The following ZC2HC1B variants were observed in gnomAD, a reference collection of about 807,000 sequenced individuals.
ZC2HC1B encodes the protein zinc finger C2HC domain-containing protein 1B.
ZC2HC1B carries 36 observed loss-of-function variants against 31.0 expected under a neutral mutation model. The observed-to-expected ratio is 1.16, with a 90% CI of 0.89 to 1.54. The LOEUF (loss-of-function observed/expected upper bound fraction) is 1.54, where lower values mean the gene tolerates loss of function less well. ZC2HC1B is among the 40% of genes most tolerant of loss of function. The probability of loss-of-function intolerance (pLI) is 0.00; values close to 1 mark genes in which losing one functional copy is unlikely to be tolerated. For missense variants in ZC2HC1B, 260 were observed against 268.6 expected (o/e 0.97, Z 0.22); for synonymous variants, 73 against 88.0 (o/e 0.83, Z 0.95).
At chr6:143,888,908 GC>G (rs1176704431) in intron 4 of ZC2HC1B, among the ~76,000 whole-genome samples, 8 of 151,860 alleles carry the variant, frequency 5.3e-5, no homozygotes, top group Admixed American at 5.2e-4. Context: ...AAATCCTCTG[GC>G]TAGAACTTTT....
chr6:143,891,693 CA>C (rs61241733), intron 4 of ZC2HC1B, among the ~76,000 whole-genome samples: 6,471 of 66,706 alleles, frequency 0.097, 159 homozygotes, highest in Admixed American at 0.17. Flanking sequence ...AACTCTGTCT[CA>C]AAAAAAAAAA....
Position 143,886,857 on chromosome 6 carries a change from C to T in ZC2HC1B, c.349+36C>T, listed in dbSNP as rs559062317. On this transcript the variant is annotated intron_variant, in intron 4 of 7. Transcript: ENST00000237275. The surrounding 1 kb of genome is among the most constrained non-coding windows in gnomAD (Gnocchi z 4.2). Reference sequence around the variant, plus strand: ...ATTTTGGGTTGCTTTTGAGGCTATGCTTGACTTTTGACCAAATCATCATGC... The same window carrying T: ...ATTTTGGGTTGCTTTTGAGGCTATGTTTGACTTTTGACCAAATCATCATGC... 5.3e-5 allele frequency: 78 copies of T among 1,462,656 alleles called. No individual in the cohort carries two copies. The Admixed American group carries it at 2.0e-3, about 38-fold the overall frequency. 90.6% of individuals were successfully genotyped at this position (1,462,656 alleles called of 1,614,324 possible).
At chr6:143,907,770 CTTTAG>C (rs1414057182) in intron 6 of ZC2HC1B, among the ~76,000 whole-genome samples, 2 of 152,112 alleles carry the variant, frequency 1.3e-5, no homozygotes, top group Non-Finnish European at 2.9e-5. Flanking sequence ...TACAGAAGTT[CTTTAG>C]TTTAACTAGA....
chr6:143,909,497 T>G (rs1777834591), intron 6 of ZC2HC1B, among the ~76,000 whole-genome samples: 1 of 151,712 alleles, frequency 6.6e-6, no homozygotes, highest in Non-Finnish European at 1.5e-5. Flanking sequence ...GTACCTTTAG[T>G]TGAATTCATC....
At chr6:143,876,175 C>G (rs7774356) in intron 1 of ZC2HC1B, among the ~76,000 whole-genome samples, 28,676 of 150,090 alleles carry the variant, frequency 0.19, 5,284 homozygotes, top group African/African-American at 0.43. Flanking sequence ...TCAGGGCAAT[C>G]TTAGGAGATT....
In ZC2HC1B at chr6:143,918,200, T is replaced by TA. The variant is rs59073986; in HGVS notation, c.598+15048_598+15049insA. ...TTTTTGGTAAGAGACAGGATCTTACTTGTTGCCCAGGCTGAACTCAAGCTC... is the reference window on the plus strand; with the variant it reads ...TTTTTGGTAAGAGACAGGATCTTACTATGTTGCCCAGGCTGAACTCAAGCTC... On this transcript the variant is annotated intron_variant, in intron 6 of 7. Transcript: ENST00000237275. The surrounding 1 kb of genome is among the most constrained non-coding windows in gnomAD (Gnocchi z 4.1). Among the ~76,000 whole-genome samples, 20,598 of 152,110 alleles carry TA rather than the reference T, an allele frequency of 0.14. 2,080 individuals are homozygous for TA. The highest frequency in any genetic ancestry group is 0.52 in the East Asian group (2,676 of 5,150).
chr6:143,886,918 A>G lies in ZC2HC1B; in HGVS notation c.349+97A>G, dbSNP rs896784099. On this transcript the variant is annotated intron_variant, in intron 4 of 7. Coordinates refer to ENST00000237275, the MANE Select transcript of ZC2HC1B (RefSeq NM_001013623.3). The surrounding 1 kb of genome is among the most constrained non-coding windows in gnomAD (Gnocchi z 4.2). ...CTCTGAAATTGACAATAACAATTAC[A>G]TAGAAGTAATTTTATTAATTATATA... is the stretch of plus-strand genomic sequence containing the variant. 9 of 1,111,578 alleles carry G rather than the reference A, an allele frequency of 8.1e-6. No individual in the cohort carries two copies. Among genetic ancestry groups the G allele is most frequent in the East Asian group, 3.2e-5 (1 of 31,688 alleles). The allele number at this position is 1,111,578 out of a possible 1,614,324, so 68.9% of individuals were successfully genotyped here. A position where few individuals can be genotyped will look rare whatever the true frequency, so the allele number is the denominator to read the frequency against.
At chr6:143,927,907 A>T (rs531721305) in intron 6 of ZC2HC1B, among the ~76,000 whole-genome samples, 11 of 152,060 alleles carry the variant, frequency 7.2e-5, no homozygotes, top group Admixed American at 5.2e-4. Context: ...ATATTTTTTC[A>T]TATGCTTTTT....
At chr6:143,882,332 TTTTATATATATA>T (rs1344658939) in intron 1 of ZC2HC1B, among the ~76,000 whole-genome samples, 1 of 67,404 alleles carries the variant, frequency 1.5e-5, no homozygotes, top group Non-Finnish European at 2.7e-5. Context: ...ATTTTATATT[TTTTATATATATA>T]TATATATATA....
rs1777713763 is a variant in ZC2HC1B at position 143,899,796 on chromosome 6, G to A, written c.489+1105G>A. On this transcript the variant is annotated intron_variant, in intron 5 of 7. Coordinates refer to ENST00000237275, the MANE Select transcript of ZC2HC1B (RefSeq NM_001013623.3). The surrounding 1 kb of genome is among the most constrained non-coding windows in gnomAD (Gnocchi z 5.0). ...AGCGCTATCCCCTTAAGCATTAGAA[G>A]GTTATTGACTATCAACTATGTACCA... Among the ~76,000 whole-genome samples the A allele has an allele frequency of 6.6e-6, 1 of 152,156 alleles. No individual in the cohort carries two copies. The highest frequency in any genetic ancestry group is 2.1e-4 in the South Asian group (1 of 4,832).
chr6:143,878,183 C>T (rs1191270228), intron 1 of ZC2HC1B, among the ~76,000 whole-genome samples: 1 of 150,814 alleles, frequency 6.6e-6, no homozygotes, highest in Non-Finnish European at 1.5e-5. Flanking sequence ...GCACATTTTC[C>T]CAGTTGAGGG....
At chr6:143,937,106 A>AC (rs1375114722) in intron 6 of ZC2HC1B, among the ~76,000 whole-genome samples, 1 of 152,156 alleles carries the variant, frequency 6.6e-6, no homozygotes, top group Non-Finnish European at 1.5e-5. Flanking sequence ...AAACTAAGCC[A>AC]TGGTGTGGTG....
At chr6:143,882,266 A>G (rs991276094) in intron 1 of ZC2HC1B, among the ~76,000 whole-genome samples, 3 of 149,226 alleles carry the variant, frequency 2.0e-5, no homozygotes, top group African/African-American at 5.0e-5. Context: ...CAGTAGTTTT[A>G]TAATCAAGAT....
Position 143,885,990 on chromosome 6 carries a change from T to A in ZC2HC1B, c.91-42T>A. On this transcript the variant is annotated intron_variant, in intron 2 of 7. Transcript: ENST00000237275. The surrounding 1 kb of genome is among the most constrained non-coding windows in gnomAD (Gnocchi z 4.2). ...GTACACCTAGGCATTAAAAACTGAT[T>A]GTGCACTTTAGAAATTCCAATCCCT... is the stretch of plus-strand genomic sequence containing the variant. 6.7e-7 allele frequency: 1 copy of A among 1,483,398 alleles called. No individual in the cohort carries two copies. The allele number at this position is 1,483,398 out of a possible 1,614,324, so 91.9% of individuals were successfully genotyped here.
intron 1 of ZC2HC1B, among the ~76,000 whole-genome samples, chr6:143,879,614 C>CT (rs1220501970): frequency 1.3e-5 from 2 of 152,092 alleles, no homozygotes; most frequent in Non-Finnish European, 2.9e-5. Flanking sequence ...AAGTGTCTTC[C>CT]TTTTTTCTTC....
At chr6:143,889,288 A>G (rs1402982221) in intron 4 of ZC2HC1B, among the ~76,000 whole-genome samples, 1 of 152,054 alleles carries the variant, frequency 6.6e-6, no homozygotes, top group Non-Finnish European at 1.5e-5. Flanking sequence ...CAAAGGGGGA[A>G]AAAGGCACAA....
chr6:143,936,392 C>A (rs973084932), intron 6 of ZC2HC1B, among the ~76,000 whole-genome samples: 1 of 152,096 alleles, frequency 6.6e-6, no homozygotes, highest in Non-Finnish European at 1.5e-5. Context: ...TAGGAAGGAG[C>A]AGAGCTTTGT....
In ZC2HC1B at chr6:143,886,867, G is replaced by A. The variant is rs1777536419; in HGVS notation, c.349+46G>A. The A allele has an allele frequency of 6.9e-7, 1 of 1,439,292 alleles. No homozygotes were observed. Among genetic ancestry groups the A allele is most frequent in the South Asian group, 1.5e-5 (1 of 66,838 alleles). The allele number at this position is 1,439,292 out of a possible 1,614,324, so 89.2% of individuals were successfully genotyped here. ...GCTTTTGAGGCTATGCTTGACTTTT[G>A]ACCAAATCATCATGCCCTCTATGCA... On this transcript the variant is annotated intron_variant, in intron 4 of 7. Coordinates refer to ENST00000237275, the MANE Select transcript of ZC2HC1B (RefSeq NM_001013623.3). The surrounding 1 kb of genome is among the most constrained non-coding windows in gnomAD (Gnocchi z 4.2).
rs1777653395 is a variant in ZC2HC1B at position 143,895,369 on chromosome 6, G to A, written c.350-3183G>A. ...GTAGAGATGGGGTTTCATCATATTG[G>A]TCAGGCTGATCTTGAACTCCTGACC... On this transcript the variant is annotated intron_variant, in intron 4 of 7. Coordinates refer to ENST00000237275, the MANE Select transcript of ZC2HC1B (RefSeq NM_001013623.3). This position sits in a 1 kb window ranked among gnomAD's most constrained non-coding sequence, Gnocchi z 4.8. Among the ~76,000 whole-genome samples the A allele has an allele frequency of 6.6e-6, 1 of 152,098 alleles. No individual in the cohort carries two copies. The highest frequency in any genetic ancestry group is 6.5e-5 in the Admixed American group (1 of 15,274).
Sources: gnomAD v4.1 joint callset for allele counts (sites outside exome capture counted in the v4.1 genomes callset) on GRCh38, gnomAD v4.1.1 for gene constraint, Gnocchi (gnomAD v3.1) non-coding constraint, MANE v1.5 for transcripts, NCBI Gene and HGNC (gene_info 2026-07-23, HGNC 2026-07-21) for gene names.